Variants in DDHD2 observed in about 807,000 individuals in gnomAD.
DDHD2 encodes DDHD domain containing 2.
Under a neutral mutation model 91.2 loss-of-function variants are expected in DDHD2, and 62 were observed. That is an observed-to-expected ratio of 0.68 (90% confidence interval 0.55 to 0.84). The LOEUF is 0.84. Ranked by LOEUF, DDHD2 falls within the 40% of genes least tolerant of loss-of-function variation. DDHD2 has a pLI of 0.00. For synonymous variants in DDHD2, 271 were observed against 293.9 expected (o/e 0.92, Z 0.80); for missense variants, 740 against 846.9 (o/e 0.87, Z 1.57).
At chr8:38,269,213 C>T (rs1287505784) in intron 1 of DDHD2, 10 of 1,495,024 alleles carry the variant, frequency 6.7e-6, no homozygotes, top group African/African-American at 2.9e-5. Context: ...GCCGCGAGCT[C>T]CGAGCGACGC....
In DDHD2 at chr8:38,252,737, T is replaced by TA; in HGVS notation, c.1634dup (p.Tyr545Ter). The change falls in exon 14 of 18, where the codon TAT (tyrosine) becomes TAAT (stop). Residue 545 changes from tyrosine (Y) to a stop codon, truncating the protein, a stop_gained and frameshift_variant. Transcript: ENST00000397166. LOFTEE classifies it high-confidence loss of function. The part of the protein sequence containing the change: ...NIYHPFDPVA[Y>*]RIEPMVVPGV... ...TCCTATGTAGTTTGATCCTGTGGCC[T>TA]ATAGGATTGAACCAATGGTGGTCCC... 1 of 1,613,440 alleles carries TA rather than the reference T, an allele frequency of 6.2e-7. No individual in the cohort carries two copies. Among genetic ancestry groups the TA allele is most frequent in the Non-Finnish European group, 8.5e-7 (1 of 1,179,494 alleles).
At chr8:38,252,882 C>T in intron 14 of DDHD2, 58 bp downstream of exon 14, 1 of 1,604,972 alleles carries the variant, frequency 6.2e-7, no homozygotes, top group Non-Finnish European at 8.5e-7. Flanking sequence ...CAAAGGGCAT[C>T]ATTCACTCTG....
chr8:38,244,617 G>A (rs1015826858), intron 7 of DDHD2, among the ~76,000 whole-genome samples: 2 of 151,220 alleles, frequency 1.3e-5, no homozygotes, highest in African/African-American at 4.9e-5. Context: ...CTGGGCTGGA[G>A]TGCAATGGCA....
chr8:38,258,106 G>A (rs1389316462), intron 16 of DDHD2, among the ~76,000 whole-genome samples: 1 of 151,944 alleles, frequency 6.6e-6, no homozygotes, highest in Non-Finnish European at 1.5e-5. Context: ...GAGTAGTTGG[G>A]ACTGCAGGTG....
At chr8:38,241,195 TGA>T in intron 6 of DDHD2, among the ~76,000 whole-genome samples, 1 of 152,264 alleles carries the variant, frequency 6.6e-6, no homozygotes, top group Middle Eastern at 3.4e-3. Flanking sequence ...TGTGGAAGGT[TGA>T]GACTGATGTG....
At chr8:38,268,876 A>G in intron 1 of DDHD2, 1 of 1,549,256 alleles carries the variant, frequency 6.5e-7, no homozygotes, top group Non-Finnish European at 8.7e-7. Flanking sequence ...ATCTTTCTCC[A>G]CGCACAAACA....
In DDHD2 at chr8:38,245,972, G is replaced by T; in HGVS notation, c.1057+22G>T. 4 of 1,587,920 alleles carry T rather than the reference G, an allele frequency of 2.5e-6. No individual in the cohort carries two copies. In the South Asian group the frequency reaches 4.4e-5, roughly 18 times the overall value. On this transcript the variant is annotated intron_variant, in intron 8 of 17. Coordinates refer to ENST00000397166, the MANE Select transcript of DDHD2 (RefSeq NM_015214.3). ...TTAGGTAACAAAATGAGTTCTGTGT[G>T]ACCAGAGAAGACTATCACATTTTAA...
At chr8:38,265,367 G>GT (rs913210509), downstream of DDHD2, among the ~76,000 whole-genome samples, 49 of 150,578 alleles carry the variant, frequency 3.3e-4, no homozygotes, top group African/African-American at 7.8e-4. Context: ...TACCTCCAGC[G>GT]TTTTTTTTGG....
chr8:38,242,556 A>G (rs1034888244), intron 7 of DDHD2, among the ~76,000 whole-genome samples, 171 bp downstream of exon 7: 6 of 152,188 alleles, frequency 3.9e-5, no homozygotes, highest in Admixed American at 2.6e-4. Context: ...TTAGGAGTGG[A>G]GAGCTGTGTG....
downstream of DDHD2, chr8:38,273,299 AT>A: frequency 6.6e-6 from 1 of 152,144 alleles, no homozygotes; most frequent in East Asian, 1.9e-4. Flanking sequence ...CCTGGCAGCT[AT>A]TTTGTTTTCT....
intron 5 of DDHD2, among the ~76,000 whole-genome samples, chr8:38,239,580 G>A (rs1485675797): frequency 4.3e-4 from 62 of 145,796 alleles, no homozygotes; most frequent in African/African-American, 1.4e-3. Context: ...CCAACTACTC[G>A]GGAGGCTGAG....
chr8:38,248,293 C>T (rs368301099), intron 10 of DDHD2, among the ~76,000 whole-genome samples: 13 of 151,802 alleles, frequency 8.6e-5, no homozygotes, highest in African/African-American at 3.1e-4. Context: ...GAATTCCTGA[C>T]CCCGTGATCC....
At chr8:38,272,180 G>A (rs532984144), downstream of DDHD2, 7 of 152,312 alleles carry the variant, frequency 4.6e-5, no homozygotes, top group African/African-American at 1.7e-4. Flanking sequence ...AATGGCAGAA[G>A]GGAGCTGGGA....
intron 16 of DDHD2, among the ~76,000 whole-genome samples, chr8:38,254,893 A>G (rs1806389562): frequency 6.6e-6 from 1 of 151,946 alleles, no homozygotes; most frequent in Non-Finnish European, 1.5e-5. Flanking sequence ...GTCTGAAAAA[A>G]AATAGTATAA....
Position 38,268,019 on chromosome 8 carries a change from C to T in DDHD2, n.88-3103C>T. On this transcript the variant is annotated intron_variant and non_coding_transcript_variant, in intron 1 of 1. Transcript: ENST00000526071. ...TCTAGGAGGAAAGGTATGGTCATGG[C>T]CTCGTTATGAGAGCAGCCGTGCTGT... 4 of 1,612,710 alleles carry T rather than the reference C, an allele frequency of 2.5e-6. No individual in the cohort carries two copies. In the South Asian group the frequency reaches 4.4e-5, roughly 18 times the overall value.
chr8:38,253,344 A>G lies in DDHD2; in HGVS notation c.1892-212A>G, dbSNP rs1484749040. On this transcript the variant is annotated intron_variant, in intron 15 of 17. Transcript: ENST00000397166. ...AGCTATCAATGGTATAGGTAATGAG[A>G]TGTGTTGCGCAAAAGCAAAAAAGGG... is the stretch of plus-strand genomic sequence containing the variant. 3 of 724,194 alleles carry G rather than the reference A, an allele frequency of 4.1e-6. No individual in the cohort carries two copies. In the African/African-American group the frequency reaches 5.3e-5, roughly 13 times the overall value. 44.9% of individuals were successfully genotyped at this position (724,194 alleles called of 1,614,324 possible). A position where few individuals can be genotyped will look rare whatever the true frequency, so the allele number is the denominator to read the frequency against.
chr8:38,253,978 A>C (rs1346687487), intron 16 of DDHD2, among the ~76,000 whole-genome samples: 1 of 151,902 alleles, frequency 6.6e-6, no homozygotes, highest in Non-Finnish European at 1.5e-5. Flanking sequence ...TGGGAGGCTG[A>C]GGCAGGAGAG....
At chr8:38,237,378 AAAC>A (rs1024016292) in intron 3 of DDHD2, among the ~76,000 whole-genome samples, 157 bp from the exon 4 acceptor site, 1 of 152,170 alleles carries the variant, frequency 6.6e-6, no homozygotes, top group Admixed American at 6.5e-5. Context: ...AAACAAAACA[AAAC>A]AAACAACAAC....
chr8:38,264,070 A>G, downstream of DDHD2: 9 of 989,126 alleles, frequency 9.1e-6, no homozygotes, highest in South Asian at 9.2e-5. Flanking sequence ...TTGGAAGGGG[A>G]AAAAAAGGCT....
Sources: allele counts gnomAD v4.1 joint callset (sites outside exome capture counted in the v4.1 genomes callset), GRCh38; gene constraint gnomAD v4.1.1; transcripts MANE v1.5; gene names NCBI Gene and HGNC (gene_info 2026-07-23, HGNC 2026-07-21).